Variants in AVP observed in about 807,000 individuals in gnomAD.
The protein encoded by AVP is arginine vasopressin, also known as vasopressin-neurophysin 2-copeptin.
In AVP, 9 loss-of-function variants were observed where a neutral mutation model predicts 11.1. The ratio of observed to expected loss-of-function variants is 0.81; its 90% confidence interval spans 0.49 to 1.42. AVP has a LOEUF of 1.42. AVP is among the 40% of genes most tolerant of loss of function. The pLI is 0.00. For synonymous variants in AVP, 106 were observed against 111.3 expected, an observed-to-expected ratio of 0.95 and a Z score of 0.30; for missense variants, 206 against 238.5, an observed-to-expected ratio of 0.86 and a Z score of 0.90.
At position 3,084,536 on chromosome 20, in the gene AVP, G is replaced by A; in HGVS notation, c.120+19C>T. On this transcript the variant is annotated intron_variant, in intron 1 of 2. Coordinates refer to ENST00000380293, the MANE Select transcript of AVP (RefSeq NM_000490.5). ...CTGCCCGCTATGGCAGCCCTGAGAT[G>A]GCCCACAGTGGGAAGTACCTGTCTC... is the stretch of plus-strand genomic sequence containing the variant. The A allele has an allele frequency of 6.2e-7, 1 of 1,613,624 alleles. No individual in the cohort carries two copies. The highest frequency in any genetic ancestry group is 8.5e-7 in the Non-Finnish European group (1 of 1,180,000).
At position 3,083,216 on chromosome 20, in the gene AVP, C is replaced by T. The variant is rs758767364; in HGVS notation, c.121-38G>A. 2.1e-4 allele frequency: 304 copies of T among 1,435,440 alleles called. No homozygotes were observed. The highest frequency in any genetic ancestry group is 2.4e-4 in the Middle Eastern group (1 of 4,128). The allele number at this position is 1,435,440 out of a possible 1,614,324, so 88.9% of individuals were successfully genotyped here. On this transcript the variant is annotated intron_variant, in intron 1 of 2. Transcript: ENST00000380293. The surrounding 1 kb of genome is among the most constrained non-coding windows in gnomAD (Gnocchi z 5.4). ...GCGGGGTGAGCGGGAGGAGGGGAGC[C>T]GGGAGTCGAGGGGTTGGAGGGGAAC...
At position 3,083,858 on chromosome 20, in the gene AVP, C is replaced by T. The variant is rs975675285; in HGVS notation, c.121-680G>A. Among the ~76,000 whole-genome samples the T allele has an allele frequency of 1.3e-5, 2 of 152,342 alleles. No homozygotes were observed. The highest frequency in any genetic ancestry group is 2.1e-4 in the South Asian group (1 of 4,826). ...GCGGGGGTTGCCGAGCGGCCACTCT[C>T]ATCTGCTCAACAGCCGGTTCTCTGG... On this transcript the variant is annotated intron_variant, in intron 1 of 2. Coordinates refer to ENST00000380293, the MANE Select transcript of AVP (RefSeq NM_000490.5). This position sits in a 1 kb window ranked among gnomAD's most constrained non-coding sequence, Gnocchi z 5.4.
In AVP at chr20:3,082,940, C is replaced by A. The variant is rs2066118168; in HGVS notation, c.322+37G>T. ...GCGTCCCCCCCACCCAAGCGGTCTG[C>A]GCCCCCCCCAGCCCCAGGCCCGCCC... On this transcript the variant is annotated intron_variant, in intron 2 of 2. Coordinates refer to ENST00000380293, the MANE Select transcript of AVP (RefSeq NM_000490.5). The surrounding 1 kb of genome is among the most constrained non-coding windows in gnomAD (Gnocchi z 4.7). The A allele has an allele frequency of 9.4e-6, 9 of 954,130 alleles. No homozygotes were observed. Among genetic ancestry groups the A allele is most frequent in the East Asian group, 8.9e-5 (2 of 22,594 alleles). The allele number at this position is 954,130 out of a possible 1,614,324, so 59.1% of individuals were successfully genotyped here. A position where few individuals can be genotyped will look rare whatever the true frequency, so the allele number is the denominator to read the frequency against.
rs188001400 is a variant in AVP at position 3,083,845 on chromosome 20, G to A, written c.121-667C>T. Among the ~76,000 whole-genome samples the A allele has an allele frequency of 6.6e-6, 1 of 152,200 alleles. No individual in the cohort carries two copies. Among genetic ancestry groups the A allele is most frequent in the Non-Finnish European group, 1.5e-5 (1 of 68,042 alleles). The stretch of plus-strand genomic sequence containing the variant: ...AGGAAGAGAGGCTGCGGGGGTTGCC[G>A]AGCGGCCACTCTCATCTGCTCAACA... On this transcript the variant is annotated intron_variant, in intron 1 of 2. Coordinates refer to ENST00000380293, the MANE Select transcript of AVP (RefSeq NM_000490.5). The surrounding 1 kb of genome is among the most constrained non-coding windows in gnomAD (Gnocchi z 5.4).
chr20:3,084,239 G>A (rs1489380674), intron 1 of AVP, among the ~76,000 whole-genome samples: 1 of 152,138 alleles, frequency 6.6e-6, no homozygotes, highest in African/African-American at 2.4e-5. Flanking sequence ...CACAGGGGAG[G>A]CCATGATGCC....
In AVP at chr20:3,082,754, G is replaced by C. The variant is rs2066116497; in HGVS notation, c.371C>G (p.Ala124Gly). ...GGCGTTGCTCCGGTCGCTGGCGCGGGCGCGGCGGTGAAAGCCCTCGCGGCA... is the reference window on the plus strand; with the variant it reads ...GGCGTTGCTCCGGTCGCTGGCGCGGCCGCGGCGGTGAAAGCCCTCGCGGCA... ...PECREGFHRR[A>G]RASDRSNATQ... is the part of the protein sequence containing the mutation. The change falls in exon 3 of 3, where the codon GCC (alanine) becomes GGC (glycine). Residue 124 changes from alanine to glycine, a missense_variant. By Grantham distance (60) the Ala-to-Gly change is moderately conservative. Coordinates refer to ENST00000380293, the MANE Select transcript of AVP (RefSeq NM_000490.5). The surrounding 1 kb of genome is among the most constrained non-coding windows in gnomAD (Gnocchi z 4.7). 3.9e-6 allele frequency: 5 copies of C among 1,273,620 alleles called. No individual in the cohort carries two copies. In the South Asian group the frequency reaches 1.3e-4, roughly 33 times the overall value. The allele number at this position is 1,273,620 out of a possible 1,614,324, so 78.9% of individuals were successfully genotyped here. A position where few individuals can be genotyped will look rare whatever the true frequency, so the allele number is the denominator to read the frequency against.
chr20:3,083,275 G>T lies in AVP; in HGVS notation c.121-97C>A. 2 of 1,269,314 alleles carry T rather than the reference G, an allele frequency of 1.6e-6. No homozygotes were observed. The highest frequency in any genetic ancestry group is 1.9e-5 in the South Asian group (1 of 53,318). 78.6% of individuals were successfully genotyped at this position (1,269,314 alleles called of 1,614,324 possible). A position where few individuals can be genotyped will look rare whatever the true frequency, so the allele number is the denominator to read the frequency against. On this transcript the variant is annotated intron_variant, in intron 1 of 2. Transcript: ENST00000380293. The surrounding 1 kb of genome is among the most constrained non-coding windows in gnomAD (Gnocchi z 5.4). ...GCGGGGATGCTGGGGTCCAGGGCTC[G>T]GAGTGCGGGCGGGACACCGGGGCTG...
rs946885827 is a variant in AVP, at chr20:3,083,842, G to C, written c.121-664C>G. Among the ~76,000 whole-genome samples, 3 of 152,230 alleles carry C rather than the reference G, an allele frequency of 2.0e-5. No homozygotes were observed. Among genetic ancestry groups the C allele is most frequent in the African/African-American group, 7.2e-5 (3 of 41,450 alleles). On this transcript the variant is annotated intron_variant, in intron 1 of 2. Coordinates refer to ENST00000380293, the MANE Select transcript of AVP (RefSeq NM_000490.5). The surrounding 1 kb of genome is among the most constrained non-coding windows in gnomAD (Gnocchi z 5.4). Reference sequence around the variant, plus strand: ...AGGAGGAAGAGAGGCTGCGGGGGTTGCCGAGCGGCCACTCTCATCTGCTCA... The same window carrying C: ...AGGAGGAAGAGAGGCTGCGGGGGTTCCCGAGCGGCCACTCTCATCTGCTCA...
In AVP at chr20:3,082,708, G is replaced by A; in HGVS notation, c.417C>T (p.Ala139=). The change falls in exon 3 of 3, where the codon GCC becomes GCT. Residue 139 remains alanine, a synonymous_variant. Coordinates refer to ENST00000380293, the MANE Select transcript of AVP (RefSeq NM_000490.5). The surrounding 1 kb of genome is among the most constrained non-coding windows in gnomAD (Gnocchi z 4.7). The part of the protein sequence containing the change: ...RSNATQLDGP[A]GALLLRLVQL... ...GCACCAGCCGCAGCAGCAAGGCCCC[G>A]GCCGGCCCGTCCAGCTGCGTGGCGT... 2 of 1,290,948 alleles carry A rather than the reference G, an allele frequency of 1.5e-6. No homozygotes were observed. The highest frequency in any genetic ancestry group is 2.0e-6 in the Non-Finnish European group (2 of 1,022,438). The allele number at this position is 1,290,948 out of a possible 1,614,324, so 80.0% of individuals were successfully genotyped here.
At chr20:3,084,533 G>C (rs1237897176) in intron 1 of AVP, 22 bp downstream of exon 1, 12 of 1,613,506 alleles carry the variant, frequency 7.4e-6, no homozygotes, top group Non-Finnish European at 1.0e-5. Flanking sequence ...GCAGCCCTGA[G>C]ATGGCCCACA....
chr20:3,082,948 C>CT lies in AVP; in HGVS notation c.322+28_322+29insA. The stretch of plus-strand genomic sequence containing the variant: ...CCCACCCAAGCGGTCTGCGCCCCCC[C>CT]CAGCCCCAGGCCCGCCCCCGCCGCG... On this transcript the variant is annotated intron_variant, in intron 2 of 2. Coordinates refer to ENST00000380293, the MANE Select transcript of AVP (RefSeq NM_000490.5). The surrounding 1 kb of genome is among the most constrained non-coding windows in gnomAD (Gnocchi z 4.7). The CT allele has an allele frequency of 7.4e-7, 1 of 1,349,336 alleles. No homozygotes were observed. Among genetic ancestry groups the CT allele is most frequent in the East Asian group, 3.2e-5 (1 of 31,104 alleles). The allele number at this position is 1,349,336 out of a possible 1,614,324, so 83.6% of individuals were successfully genotyped here.
At position 3,083,339 on chromosome 20, in the gene AVP, G is replaced by A. The variant is rs2066121472; in HGVS notation, c.121-161C>T. The stretch of plus-strand genomic sequence containing the variant: ...GCTCGGGCGCCACTGGGCCTCGACC[G>A]CGGTCACGGGCGGGGCGTCCAGATC... On this transcript the variant is annotated intron_variant, in intron 1 of 2. Transcript: ENST00000380293. This position sits in a 1 kb window ranked among gnomAD's most constrained non-coding sequence, Gnocchi z 5.4. 6.6e-6 allele frequency among the ~76,000 whole-genome samples: 1 copy of A among 152,242 alleles called. No homozygotes were observed. The highest frequency in any genetic ancestry group is 1.5e-5 in the Non-Finnish European group (1 of 67,988).
chr20:3,083,275 G>C lies in AVP; in HGVS notation c.121-97C>G. The C allele has an allele frequency of 7.9e-7, 1 of 1,269,314 alleles. No individual in the cohort carries two copies. Among genetic ancestry groups the C allele is most frequent in the Non-Finnish European group, 1.0e-6 (1 of 981,836 alleles). The allele number at this position is 1,269,314 out of a possible 1,614,324, so 78.6% of individuals were successfully genotyped here. Reference sequence around the variant, plus strand: ...GCGGGGATGCTGGGGTCCAGGGCTCGGAGTGCGGGCGGGACACCGGGGCTG... The same window carrying C: ...GCGGGGATGCTGGGGTCCAGGGCTCCGAGTGCGGGCGGGACACCGGGGCTG... On this transcript the variant is annotated intron_variant, in intron 1 of 2. Transcript: ENST00000380293. The surrounding 1 kb of genome is among the most constrained non-coding windows in gnomAD (Gnocchi z 5.4).
rs941539399 is a variant in AVP at position 3,082,592 on chromosome 20, C to A, written c.*38G>T. On this transcript the variant is annotated 3_prime_UTR_variant, in exon 3 of 3. Coordinates refer to ENST00000380293, the MANE Select transcript of AVP (RefSeq NM_000490.5). The surrounding 1 kb of genome is among the most constrained non-coding windows in gnomAD (Gnocchi z 4.7). ...AGGTTTATTGTCCGTGCTGCAGGGG[C>A]GGGCGCGAAGAGCGCGCCGGTGGGG... The A allele has an allele frequency of 1.9e-5, 24 of 1,242,290 alleles. No homozygotes were observed. The highest frequency in any genetic ancestry group is 3.1e-5 in the African/African-American group (2 of 64,076). 77.0% of individuals were successfully genotyped at this position (1,242,290 alleles called of 1,614,324 possible). A position where few individuals can be genotyped will look rare whatever the true frequency, so the allele number is the denominator to read the frequency against.
At position 3,084,625 on chromosome 20, in the gene AVP, G is replaced by A; in HGVS notation, c.50C>T (p.Ser17Phe). The A allele has an allele frequency of 6.2e-7, 1 of 1,613,898 alleles. No homozygotes were observed. Among genetic ancestry groups the A allele is most frequent in the Non-Finnish European group, 8.5e-7 (1 of 1,180,044 alleles). Residue 17 changes from serine (S) to phenylalanine (F), a missense_variant, in exon 1 of 3, where the codon TCC becomes TTC. Transcript: ENST00000380293. ...GCAGTTCTGGAAGTAGCACGCGGAG[G>A]AGAAGGCCAGTAGGCCGAGGAAGCA... ...PACFLGLLAF[S>F]SACYFQNCPR...
In AVP at chr20:3,082,620, A is replaced by G. The variant is rs918195268; in HGVS notation, c.*10T>C. On this transcript the variant is annotated 3_prime_UTR_variant, in exon 3 of 3. Transcript: ENST00000380293. This position sits in a 1 kb window ranked among gnomAD's most constrained non-coding sequence, Gnocchi z 4.7. ...GCGCGAAGAGCGCGCCGGTGGGGCG[A>G]GCGCGGGGCTCAGTAGGCGTCGGGC... 8.0e-7 allele frequency: 1 copy of G among 1,249,248 alleles called. No individual in the cohort carries two copies. The allele number at this position is 1,249,248 out of a possible 1,614,324, so 77.4% of individuals were successfully genotyped here. A position where few individuals can be genotyped will look rare whatever the true frequency, so the allele number is the denominator to read the frequency against.
chr20:3,084,522 G>A, intron 1 of AVP, 33 bp downstream of exon 1: 1 of 1,613,266 alleles, frequency 6.2e-7, no homozygotes, highest in Non-Finnish European at 8.5e-7. Context: ...TGCCCGCTAT[G>A]GCAGCCCTGA....
chr20:3,082,954 C>T lies in AVP; in HGVS notation c.322+23G>A. ...CAAGCGGTCTGCGCCCCCCCCAGCC[C>T]CAGGCCCGCCCCCGCCGCGCACCGT... On this transcript the variant is annotated intron_variant, in intron 2 of 2. Coordinates refer to ENST00000380293, the MANE Select transcript of AVP (RefSeq NM_000490.5). The surrounding 1 kb of genome is among the most constrained non-coding windows in gnomAD (Gnocchi z 4.7). 7.2e-7 allele frequency: 1 copy of T among 1,393,126 alleles called. No individual in the cohort carries two copies. The highest frequency in any genetic ancestry group is 9.3e-7 in the Non-Finnish European group (1 of 1,076,786). 86.3% of individuals were successfully genotyped at this position (1,393,126 alleles called of 1,614,324 possible). A position where few individuals can be genotyped will look rare whatever the true frequency, so the allele number is the denominator to read the frequency against.
At chr20:3,084,179 G>A (rs2066125905) in intron 1 of AVP, among the ~76,000 whole-genome samples, 1 of 152,194 alleles carries the variant, frequency 6.6e-6, no homozygotes, top group Admixed American at 6.5e-5. Context: ...ATGCTAGGTA[G>A]GATGGAGCCT....
Sources: allele counts gnomAD v4.1 joint callset (sites outside exome capture counted in the v4.1 genomes callset), GRCh38; gene constraint gnomAD v4.1.1; non-coding constraint Gnocchi (gnomAD v3.1); transcripts MANE v1.5; gene names NCBI Gene and HGNC (gene_info 2026-07-23, HGNC 2026-07-21).